CREB1: variants seen among roughly 807,000 people sequenced by gnomAD.
The protein encoded by CREB1 is cyclic AMP-responsive element-binding protein 1.
In CREB1, 2 loss-of-function variants were observed where a neutral mutation model predicts 42.0. The ratio of observed to expected loss-of-function variants is 0.05; its 90% CI spans 0.02 to 0.15. The LOEUF is 0.15. Among genes scored for constraint, CREB1 ranks in the 10% least tolerant of loss-of-function variants. The pLI, the probability that CREB1 is intolerant of heterozygous loss-of-function variation, is 1.00. For missense variants in CREB1, 199 were observed against 388.9 expected (o/e 0.51, Z 4.11); for synonymous variants, 123 against 139.9 (o/e 0.88, Z 0.85).
chr2:207,546,554 C>G (rs1042883564), intron 1 of CREB1, among the ~76,000 whole-genome samples: 2 of 151,884 alleles, frequency 1.3e-5, no homozygotes, highest in African/African-American at 4.8e-5. Flanking sequence ...TTGTGAAACC[C>G]CATCTCTACT....
At chr2:207,536,056 A>G (rs2080858459) in intron 1 of CREB1, among the ~76,000 whole-genome samples, 1 of 151,946 alleles carries the variant, frequency 6.6e-6, no homozygotes, top group East Asian at 1.9e-4. Flanking sequence ...CAAGCCATCC[A>G]CCTGCCTCAG....
chr2:207,592,536 G>A (rs1423553106), intron 7 of CREB1, among the ~76,000 whole-genome samples: 3 of 152,004 alleles, frequency 2.0e-5, no homozygotes. Flanking sequence ...TATGCCTAGG[G>A]ATTTTCCCTC....
Position 207,581,269 on chromosome 2 carries a change from TAA to T in CREB1, c.839+3619_839+3620del, listed in dbSNP as rs563162607. The T allele has an allele frequency of 1.3e-4, 26 of 198,416 alleles. No homozygotes were observed. The East Asian group carries it at 2.0e-3, about 15-fold the overall frequency. 12.3% of individuals were successfully genotyped at this position (198,416 alleles called of 1,614,324 possible). A position where few individuals can be genotyped will look rare whatever the true frequency, so the allele number is the denominator to read the frequency against. On this transcript the variant is annotated intron_variant, in intron 7 of 7. Coordinates refer to ENST00000353267, the MANE Select transcript of CREB1 (RefSeq NM_004379.5). ...GCAGATTCTTAGAAAATGGATAGGG[TAA>T]AAAATTTGAAAAATTCTAAAAAAAT... is the stretch of plus-strand genomic sequence containing the variant.
At chr2:207,592,307 T>G (rs1028806452) in intron 7 of CREB1, among the ~76,000 whole-genome samples, 1 of 151,974 alleles carries the variant, frequency 6.6e-6, no homozygotes, top group Non-Finnish European at 1.5e-5. Flanking sequence ...CTCGGGAGGC[T>G]GAGGCAGGAA....
At chr2:207,557,575 G>A (rs1416944834) in intron 2 of CREB1, among the ~76,000 whole-genome samples, 1 of 151,664 alleles carries the variant, frequency 6.6e-6, no homozygotes, top group Admixed American at 6.6e-5. Context: ...CCAGCTACTC[G>A]GGAGGCTGAG....
intron 4 of CREB1, 140 bp from the exon 5 acceptor site, chr2:207,570,039 T>TCAA: frequency 2.4e-6 from 1 of 419,546 alleles, no homozygotes; most frequent in East Asian, 4.6e-5. Context: ...AGACTCCATC[T>TCAA]CAAAAAAAAA....
chr2:207,552,606 C>CTT (rs1186619713), intron 1 of CREB1, among the ~76,000 whole-genome samples: 4 of 136,622 alleles, frequency 2.9e-5, no homozygotes, highest in African/African-American at 5.4e-5. Flanking sequence ...TTGTGAATGT[C>CTT]TTTTTTTTTT....
intron 1 of CREB1, among the ~76,000 whole-genome samples, chr2:207,531,780 A>G (rs531135014): frequency 1.3e-5 from 2 of 152,370 alleles, no homozygotes; most frequent in South Asian, 4.1e-4. Flanking sequence ...GGTTAAGAAC[A>G]AATATTGATT....
chr2:207,532,686 A>G (rs1574739557), intron 1 of CREB1, among the ~76,000 whole-genome samples: 1 of 151,948 alleles, frequency 6.6e-6, no homozygotes, highest in East Asian at 1.9e-4. Context: ...AAAAAAGTTT[A>G]CTGATAAGTT....
chr2:207,536,533 C>T (rs868134815), intron 1 of CREB1, among the ~76,000 whole-genome samples: 6 of 151,850 alleles, frequency 4.0e-5, no homozygotes, highest in African/African-American at 9.7e-5. Context: ...CCAGGCTGGG[C>T]GACAAGAGCG....
intron 1 of CREB1, among the ~76,000 whole-genome samples, chr2:207,541,576 C>CT (rs1362681389): frequency 6.6e-6 from 1 of 152,092 alleles, no homozygotes; most frequent in East Asian, 1.9e-4. Flanking sequence ...GTTTTCTAAC[C>CT]TAATTAACTA....
chr2:207,560,100 T>A (rs539682101), intron 2 of CREB1, 126 bp from the exon 3 acceptor site: 1 of 752,368 alleles, frequency 1.3e-6, no homozygotes, highest in Admixed American at 2.6e-5. Flanking sequence ...ATTACTTTCA[T>A]ATCAGTGAAA....
At chr2:207,576,727 A>G in intron 6 of CREB1, 1 of 1,187,088 alleles carries the variant, frequency 8.4e-7, no homozygotes, top group South Asian at 1.7e-5. Flanking sequence ...TTTTCCACTC[A>G]AACCATACAT....
Position 207,560,381 on chromosome 2 carries a change from A to G in CREB1, c.261+9A>G, listed in dbSNP as rs1376046430. ...AAGTCCAAACAGTTCAGGTATGTGT[A>G]TAAAAAGTTCTGCATCTATTTTAAT... On this transcript the variant is annotated intron_variant, in intron 3 of 7. Coordinates refer to ENST00000353267, the MANE Select transcript of CREB1 (RefSeq NM_004379.5). 6.2e-7 allele frequency: 1 copy of G among 1,604,002 alleles called. No homozygotes were observed. The highest frequency in any genetic ancestry group is 1.3e-5 in the African/African-American group (1 of 74,462).
chr2:207,530,540 G>A (rs2080559710), intron 1 of CREB1, among the ~76,000 whole-genome samples: 2 of 145,792 alleles, frequency 1.4e-5, no homozygotes, highest in Admixed American at 6.8e-5. Context: ...GGGGGAGGCC[G>A]CCCGCTCGGC....
In CREB1 at chr2:207,547,045, CTT is replaced by C. The variant is rs1446007641; in HGVS notation, c.-8-8582_-8-8581del. Among the ~76,000 whole-genome samples the C allele has an allele frequency of 5.3e-5, 8 of 152,260 alleles. No homozygotes were observed. The South Asian group carries it at 1.7e-3, about 32-fold the overall frequency. On this transcript the variant is annotated intron_variant, in intron 1 of 7. Transcript: ENST00000353267. ...AGTCTTGAACATTCCTTACAAATCT[CTT>C]GACATCTTTTGTTCTCCATCTGTGA...
chr2:207,553,807 G>C (rs2081609537), intron 1 of CREB1, among the ~76,000 whole-genome samples: 1 of 152,168 alleles, frequency 6.6e-6, no homozygotes, highest in Non-Finnish European at 1.5e-5. Flanking sequence ...AAGTCATTCT[G>C]TACAGTTCTA....
At position 207,530,145 on chromosome 2, in the gene CREB1, C is replaced by CAGG. The variant is rs2080525976; in HGVS notation, c.-9+21_-9+23dup. ...GAGCTTGTACCACCGGTAAGAGGAGCAGGAGGAGGAGGCAGGAGCCAGAGA... is the reference window on the plus strand; with the variant it reads ...GAGCTTGTACCACCGGTAAGAGGAGCAGGAGGAGGAGGAGGCAGGAGCCAGAGA... On this transcript the variant is annotated intron_variant, in intron 1 of 7. Transcript: ENST00000353267. 1 of 153,046 alleles carries CAGG rather than the reference C, an allele frequency of 6.5e-6. No homozygotes were observed. Among genetic ancestry groups the CAGG allele is most frequent in the Non-Finnish European group, 1.5e-5 (1 of 68,596 alleles). 9.5% of individuals were successfully genotyped at this position (153,046 alleles called of 1,614,324 possible).
intron 1 of CREB1, among the ~76,000 whole-genome samples, chr2:207,540,263 G>A (rs963790660): frequency 6.6e-6 from 1 of 152,172 alleles, no homozygotes; most frequent in Admixed American, 6.5e-5. Context: ...AGTGGGACAC[G>A]TTGTGGAGGT....
Sources: allele counts gnomAD v4.1 joint callset (sites outside exome capture counted in the v4.1 genomes callset), GRCh38; gene constraint gnomAD v4.1.1; transcripts MANE v1.5; gene names NCBI Gene and HGNC (gene_info 2026-07-23, HGNC 2026-07-21).